The following MARCHF1 variants were observed in gnomAD, a reference collection of about 807,000 sequenced individuals.
The protein encoded by MARCHF1 is E3 ubiquitin-protein ligase MARCHF1.
Under a neutral mutation model 54.2 loss-of-function variants are expected in MARCHF1, and 40 were observed. That is an observed-to-expected ratio of 0.74 (90% CI 0.57 to 0.96). The LOEUF (loss-of-function observed/expected upper bound fraction) is 0.96, where lower values mean the gene tolerates loss of function less well. MARCHF1 is among the 40% of genes least tolerant of loss of function. MARCHF1 has a pLI of 0.00. For synonymous variants in MARCHF1, 236 were observed against 236.3 expected (o/e 1.00, Z 0.01); for missense variants, 586 against 656.5 (o/e 0.89, Z 1.17).
intron 1 of MARCHF1, among the ~76,000 whole-genome samples, chr4:164,279,906 C>T (rs1393850593): frequency 1.3e-5 from 2 of 151,446 alleles, no homozygotes; most frequent in African/African-American, 4.8e-5. Flanking sequence ...CAAATTAAGA[C>T]CAGCTTTACA....
At chr4:164,211,332 T>TGC (rs1731765714) in intron 1 of MARCHF1, among the ~76,000 whole-genome samples, 1 of 14,810 alleles carries the variant, frequency 6.8e-5, no homozygotes, top group Non-Finnish European at 1.2e-4. Flanking sequence ...TGTATGTATG[T>TGC]ATATATATAT....
chr4:164,000,591 A>G (rs1224185370), intron 2 of MARCHF1, among the ~76,000 whole-genome samples: 1 of 151,760 alleles, frequency 6.6e-6, no homozygotes, highest in African/African-American at 2.4e-5. Context: ...ACATTTGCTG[A>G]TACAATTACT....
At chr4:163,934,196 A>AAAAGC (rs1751742996) in intron 3 of MARCHF1, among the ~76,000 whole-genome samples, 1 of 152,150 alleles carries the variant, frequency 6.6e-6, no homozygotes, top group African/African-American at 2.4e-5. Context: ...ATAGTCCCAA[A>AAAAGC]AAAGCCTTGT....
chr4:163,553,954 T>C (rs1379076423), intron 8 of MARCHF1, among the ~76,000 whole-genome samples: 1 of 152,196 alleles, frequency 6.6e-6, no homozygotes, highest in East Asian at 1.9e-4. Context: ...ATGGCTCTTT[T>C]CCTCAAAAGC....
chr4:163,795,484 C>T (rs545640281), intron 4 of MARCHF1, among the ~76,000 whole-genome samples: 3 of 152,214 alleles, frequency 2.0e-5, no homozygotes, highest in Non-Finnish European at 2.9e-5. Context: ...CCTGCCTTGG[C>T]CTCCCAATGT....
intron 4 of MARCHF1, among the ~76,000 whole-genome samples, chr4:163,725,277 C>T (rs190419280): frequency 1.3e-5 from 2 of 152,040 alleles, no homozygotes; most frequent in East Asian, 3.9e-4. Flanking sequence ...AAAGTAGTGG[C>T]ATAGTGTGGG....
At chr4:163,567,903 T>C (rs1739701236) in intron 8 of MARCHF1, among the ~76,000 whole-genome samples, 1 of 152,172 alleles carries the variant, frequency 6.6e-6, no homozygotes, top group African/African-American at 2.4e-5. Context: ...AGAATTTCAC[T>C]GTATGACAAT....
At chr4:163,865,923 C>G (rs1178421052) in intron 3 of MARCHF1, among the ~76,000 whole-genome samples, 1 of 151,500 alleles carries the variant, frequency 6.6e-6, no homozygotes, top group African/African-American at 2.4e-5. Flanking sequence ...TCTGTCTCTG[C>G]CCTTATTAAG....
At chr4:163,731,519 G>A (rs1465035686) in intron 4 of MARCHF1, among the ~76,000 whole-genome samples, 1 of 152,204 alleles carries the variant, frequency 6.6e-6, no homozygotes, top group Non-Finnish European at 1.5e-5. Flanking sequence ...CCCAGGCAGT[G>A]ATTAGCAAGT....
chr4:164,234,566 T>C (rs1732496315), intron 1 of MARCHF1, among the ~76,000 whole-genome samples: 1 of 152,250 alleles, frequency 6.6e-6, no homozygotes, highest in Non-Finnish European at 1.5e-5. Flanking sequence ...ATTACTGTAA[T>C]GCATTTCTAA....
At chr4:164,146,565 A>C (rs918163130) in intron 1 of MARCHF1, among the ~76,000 whole-genome samples, 16 of 152,150 alleles carry the variant, frequency 1.1e-4, no homozygotes, top group Admixed American at 6.5e-4. Flanking sequence ...AAAAACAAGC[A>C]ATGGGGAAAG....
At chr4:164,247,889 C>A (rs1284243293) in intron 1 of MARCHF1, among the ~76,000 whole-genome samples, 1 of 150,174 alleles carries the variant, frequency 6.7e-6, no homozygotes, top group South Asian at 2.1e-4. Flanking sequence ...AATTAGGCTT[C>A]CCTTTTTGAC....
At chr4:163,661,445 C>T (rs1250584351) in intron 5 of MARCHF1, among the ~76,000 whole-genome samples, 3 of 151,900 alleles carry the variant, frequency 2.0e-5, no homozygotes, top group African/African-American at 7.2e-5. Context: ...CTTTCTTTGC[C>T]ATCATTCTGG....
At chr4:164,083,343 G>A (rs916747804) in intron 2 of MARCHF1, among the ~76,000 whole-genome samples, 2 of 151,870 alleles carry the variant, frequency 1.3e-5, no homozygotes, top group Non-Finnish European at 2.9e-5. Flanking sequence ...CTCAGACCAA[G>A]TATCATACAA....
In MARCHF1 at chr4:163,854,152, T is replaced by G. The variant is rs1237151824; in HGVS notation, c.-21A>C. The G allele has an allele frequency of 6.6e-7, 1 of 1,509,838 alleles. No homozygotes were observed. The highest frequency in any genetic ancestry group is 2.5e-5 in the East Asian group (1 of 40,328). 93.5% of individuals were successfully genotyped at this position (1,509,838 alleles called of 1,614,324 possible). The stretch of plus-strand genomic sequence containing the variant: ...AGCATTTTCTCCTTCCTCTTATCCC[T>G]TTTCAATTTCTGAAATTCTGAAAAT... On this transcript the variant is annotated 5_prime_UTR_variant, in exon 4 of 10. Transcript: ENST00000514618.
At chr4:164,016,503 G>T (rs761910509) in intron 2 of MARCHF1, among the ~76,000 whole-genome samples, 2 of 152,064 alleles carry the variant, frequency 1.3e-5, no homozygotes, top group Non-Finnish European at 2.9e-5. Context: ...CCATAAAAAA[G>T]AATGCAATAA....
intron 7 of MARCHF1, among the ~76,000 whole-genome samples, chr4:163,601,302 T>A (rs1740956404): frequency 6.6e-6 from 1 of 152,180 alleles, no homozygotes; most frequent in Non-Finnish European, 1.5e-5. Context: ...ACACAATGTT[T>A]ATTTTCTGTT....
chr4:163,628,580 T>C (rs1412040340), intron 5 of MARCHF1, among the ~76,000 whole-genome samples: 1 of 152,170 alleles, frequency 6.6e-6, no homozygotes, highest in Non-Finnish European at 1.5e-5. Context: ...ATAAAGGGTA[T>C]TCAAACAGGA....
chr4:163,574,022 A>G (rs1434133420), intron 8 of MARCHF1, among the ~76,000 whole-genome samples: 2 of 151,980 alleles, frequency 1.3e-5, no homozygotes, highest in African/African-American at 2.4e-5. Flanking sequence ...GTGTGAGATG[A>G]TATCTCATTG....
Sources: gnomAD v4.1 joint callset for allele counts (sites outside exome capture counted in the v4.1 genomes callset) on GRCh38, gnomAD v4.1.1 for gene constraint, MANE v1.5 for transcripts, NCBI Gene and HGNC (gene_info 2026-07-23, HGNC 2026-07-21) for gene names.